KLF17: variants seen among roughly 807,000 people sequenced by gnomAD.
The protein encoded by KLF17 is Krueppel-like factor 17.
In KLF17, 31 loss-of-function variants were observed where a neutral mutation model predicts 34.2. The ratio of observed to expected loss-of-function variants is 0.91; its 90% CI spans 0.68 to 1.22. The LOEUF (loss-of-function observed/expected upper bound fraction) is 1.22, where lower values mean the gene tolerates loss of function less well. KLF17 is among the 50% of genes most tolerant of loss of function. The pLI, the probability that KLF17 is intolerant of heterozygous loss-of-function variation, is 0.00. For synonymous variants in KLF17, 179 were observed against 186.7 expected, an observed-to-expected ratio of 0.96 and a Z score of 0.34; for missense variants, 478 against 505.2, an observed-to-expected ratio of 0.95 and a Z score of 0.52.
rs1413459444 is a variant in KLF17 at position 44,124,601 on chromosome 1, TCTC to T, written c.82-4749_82-4747del. Among the ~76,000 whole-genome samples the T allele has an allele frequency of 2.6e-5, 4 of 151,588 alleles. No individual in the cohort carries two copies. In the East Asian group the frequency reaches 7.8e-4, roughly 29 times the overall value. On this transcript the variant is annotated intron_variant, in intron 1 of 3. Transcript: ENST00000372299. ...GCTCCGCCCCCGGGGTTCACGCCAT[TCTC>T]CTGCCTCAGCCTCCCGAGTAGGTGG...
chr1:44,109,793 C>T, the KLF17 span, among the ~76,000 whole-genome samples: 1 of 151,716 alleles, frequency 6.6e-6, no homozygotes, highest in Non-Finnish European at 1.5e-5. Flanking sequence ...GGAGGTAGGG[C>T]ATGGAGAACT....
chr1:44,090,537 CTG>C, the KLF17 span, among the ~76,000 whole-genome samples: 23,148 of 151,822 alleles, frequency 0.15, 2,111 homozygotes, highest in South Asian at 0.27. Flanking sequence ...CCTGGAAAAA[CTG>C]TGGAAGAGAA....
chr1:44,047,822 G>A, the KLF17 span: 1 of 152,130 alleles, frequency 6.6e-6, no homozygotes, highest in Non-Finnish European at 1.5e-5. Flanking sequence ...GTCTACAGAC[G>A]CCATACTGCA....
chr1:44,111,225 G>A, the KLF17 span, among the ~76,000 whole-genome samples: 3 of 151,770 alleles, frequency 2.0e-5, no homozygotes, highest in Non-Finnish European at 1.5e-5. Context: ...CAAACTCCTG[G>A]GCTCAAGCGA....
At chr1:44,050,770 A>C in the KLF17 span, among the ~76,000 whole-genome samples, 2 of 152,204 alleles carry the variant, frequency 1.3e-5, no homozygotes, top group African/African-American at 2.4e-5. Flanking sequence ...TACAAAAATT[A>C]GCCAGGCGTG....
the KLF17 span, among the ~76,000 whole-genome samples, chr1:44,091,545 A>G: frequency 4.7e-5 from 7 of 150,008 alleles, no homozygotes; most frequent in African/African-American, 4.9e-5. Context: ...AATCCCAGCT[A>G]CTTGGGAGGC....
At chr1:44,100,079 T>C in the KLF17 span, among the ~76,000 whole-genome samples, 4 of 138,630 alleles carry the variant, frequency 2.9e-5, no homozygotes, top group Middle Eastern at 3.6e-3. Flanking sequence ...CTACTAAAAA[T>C]ACACACACAC....
At chr1:44,060,392 T>G in the KLF17 span, among the ~76,000 whole-genome samples, 4 of 152,074 alleles carry the variant, frequency 2.6e-5, no homozygotes, top group African/African-American at 9.7e-5. Flanking sequence ...CTCTTGAACC[T>G]GGGAGGCAGA....
intron 1 of KLF17, among the ~76,000 whole-genome samples, chr1:44,123,925 T>A (rs760394871): frequency 1.3e-4 from 20 of 152,106 alleles, no homozygotes; most frequent in Non-Finnish European, 2.6e-4. Context: ...CTTTTTTTTT[T>A]TATTTTTTTC....
At chr1:44,088,107 T>TTATTTATTTATTTATTTA in the KLF17 span, 9 of 182,634 alleles carry the variant, frequency 4.9e-5, no homozygotes, top group Admixed American at 1.5e-4. Flanking sequence ...GCACTCTTAT[T>TTATTTATTTATTTATTTA]TTTATTTATT....
chr1:44,082,349 G>A, the KLF17 span, among the ~76,000 whole-genome samples: 2 of 152,206 alleles, frequency 1.3e-5, no homozygotes, highest in Non-Finnish European at 2.9e-5. Context: ...TTGGCCACAG[G>A]AACTAATCCA....
the KLF17 span, among the ~76,000 whole-genome samples, chr1:44,100,316 C>T: frequency 4.7e-5 from 7 of 149,848 alleles, no homozygotes; most frequent in Admixed American, 2.0e-4. Context: ...CATACTGGGT[C>T]GGATGGGGTA....
At chr1:44,047,360 C>T in the KLF17 span, among the ~76,000 whole-genome samples, 1 of 152,064 alleles carries the variant, frequency 6.6e-6, no homozygotes, top group East Asian at 1.9e-4. Context: ...GAGAGAGAAC[C>T]GTAAGCACTG....
chr1:44,124,495 A>ATTT lies in KLF17; in HGVS notation c.82-4841_82-4839dup, dbSNP rs35952182. Among the ~76,000 whole-genome samples, 443 of 112,348 alleles carry ATTT rather than the reference A, an allele frequency of 3.9e-3. 15 individuals carry two copies. The highest frequency in any genetic ancestry group is 8.7e-3 in the African/African-American group (243 of 27,974). 73.7% of individuals were successfully genotyped at this position (112,348 alleles called of 152,430 possible). A position where few individuals can be genotyped will look rare whatever the true frequency, so the allele number is the denominator to read the frequency against. On this transcript the variant is annotated intron_variant, in intron 1 of 3. Coordinates refer to ENST00000372299, the MANE Select transcript of KLF17 (RefSeq NM_173484.4). ...AGGCACGTGCCACCACACTTGGCTA[A>ATTT]TTTTTTTTTTTTTTTTTTTGAGATG... is the stretch of plus-strand genomic sequence containing the variant.
the KLF17 span, among the ~76,000 whole-genome samples, chr1:44,070,972 G>A: frequency 6.6e-6 from 1 of 152,052 alleles, no homozygotes; most frequent in Non-Finnish European, 1.5e-5. Context: ...ACTTGTAGGA[G>A]GATGGGAACC....
At chr1:44,094,677 C>A in the KLF17 span, among the ~76,000 whole-genome samples, 35 of 152,098 alleles carry the variant, frequency 2.3e-4, no homozygotes, top group Non-Finnish European at 3.8e-4. Context: ...TTTCTGGGTT[C>A]TCTATTCTGT....
chr1:44,130,600 C>T lies in KLF17; in HGVS notation c.1014C>T (p.Thr338=). The part of the protein sequence containing the change: ...DELRRHMRVH[T]RYRPYKCDQC... ...TTAGACGACATATGCGGGTACACAC[C>T]AGATATCGACCATATAAATGTGATC... The change falls in exon 3 of 4, where the codon ACC becomes ACT. Residue 338 remains threonine (T), a synonymous_variant. Coordinates refer to ENST00000372299, the MANE Select transcript of KLF17 (RefSeq NM_173484.4). 1.2e-6 allele frequency: 2 copies of T among 1,614,104 alleles called. No individual in the cohort carries two copies. Among genetic ancestry groups the T allele is most frequent in the Non-Finnish European group, 1.7e-6 (2 of 1,180,024 alleles).
chr1:44,084,908 T>C, the KLF17 span, among the ~76,000 whole-genome samples: 1 of 132,930 alleles, frequency 7.5e-6, no homozygotes, highest in South Asian at 2.5e-4. Flanking sequence ...ACCCTGTCCC[T>C]AGAAAAAAAA....
intron 1 of KLF17, among the ~76,000 whole-genome samples, chr1:44,127,085 T>C (rs940700148): frequency 4.9e-5 from 7 of 141,842 alleles, no homozygotes; most frequent in Non-Finnish European, 7.8e-5. Flanking sequence ...TTTTTTTAAT[T>C]CTTTGTAGAG....
Sources: allele counts gnomAD v4.1 joint callset (sites outside exome capture counted in the v4.1 genomes callset), GRCh38; gene constraint gnomAD v4.1.1; transcripts MANE v1.5; gene names NCBI Gene and HGNC (gene_info 2026-07-23, HGNC 2026-07-21).